Variants in CALN1 observed in about 807,000 individuals in gnomAD.
CALN1 encodes calcium-binding protein 8.
In CALN1, 17 loss-of-function variants were observed where a neutral mutation model predicts 30.6. The observed-to-expected ratio is 0.56, with a 90% confidence interval of 0.38 to 0.83. The LOEUF (loss-of-function observed/expected upper bound fraction) is 0.83, where lower values mean the gene tolerates loss of function less well. Ranked by LOEUF, CALN1 falls within the 40% of genes least tolerant of loss-of-function variation. The pLI is 0.00. For synonymous variants in CALN1, 156 were observed against 131.4 expected, an observed-to-expected ratio of 1.19 and a Z score of -1.28; for missense variants, 291 against 354.9, an observed-to-expected ratio of 0.82 and a Z score of 1.45.
At chr7:71,936,356 G>A (rs1259284515) in intron 5 of CALN1, among the ~76,000 whole-genome samples, 1 of 151,082 alleles carries the variant, frequency 6.6e-6, no homozygotes, top group Non-Finnish European at 1.5e-5. Flanking sequence ...AAATTAGCTG[G>A]GTGTAGTGGC....
Position 71,782,000 on chromosome 7 carries a change from T to C in CALN1, c.*5775A>G, listed in dbSNP as rs1003261619. On this transcript the variant is annotated 3_prime_UTR_variant, in exon 7 of 7. Coordinates refer to ENST00000395275, the MANE Select transcript of CALN1 (RefSeq NM_031468.4). Reference sequence around the variant, plus strand: ...ATGTCTCTCGAGACCCTATGAAGAGTCCCAAATGAATATGAAGGAGAAACC... The same window carrying C: ...ATGTCTCTCGAGACCCTATGAAGAGCCCCAAATGAATATGAAGGAGAAACC... 1 of 152,060 alleles carries C rather than the reference T, an allele frequency of 6.6e-6. No individual in the cohort carries two copies. Among genetic ancestry groups the C allele is most frequent in the Non-Finnish European group, 1.5e-5 (1 of 68,032 alleles). The allele number at this position is 152,060 out of a possible 1,614,324, so 9.4% of individuals were successfully genotyped here.
At chr7:72,194,356 C>A (rs972269669) in intron 3 of CALN1, among the ~76,000 whole-genome samples, 2 of 152,038 alleles carry the variant, frequency 1.3e-5, no homozygotes, top group Non-Finnish European at 2.9e-5. Flanking sequence ...CACGGTGAAA[C>A]CCTGTGTCTA....
intron 5 of CALN1, among the ~76,000 whole-genome samples, chr7:71,812,382 A>T (rs567818135): frequency 1.1e-4 from 16 of 152,310 alleles, no homozygotes; most frequent in African/African-American, 3.8e-4. Context: ...AAAAATGAGA[A>T]AACTGTGACT....
chr7:72,430,227 T>G (rs1414291766), intron 1 of CALN1, among the ~76,000 whole-genome samples: 3 of 148,216 alleles, frequency 2.0e-5, no homozygotes, highest in Non-Finnish European at 4.5e-5. Flanking sequence ...ATTTATAGAT[T>G]ATATATTTAC....
chr7:71,817,789 C>T (rs1459521216), intron 5 of CALN1, among the ~76,000 whole-genome samples: 1 of 152,134 alleles, frequency 6.6e-6, no homozygotes, highest in East Asian at 1.9e-4. Context: ...GCTGGGATTA[C>T]AGGTGTGAGC....
chr7:71,933,772 C>T (rs899895534), intron 5 of CALN1, among the ~76,000 whole-genome samples: 4 of 152,098 alleles, frequency 2.6e-5, no homozygotes, highest in African/African-American at 9.7e-5. Context: ...TTATTTTATG[C>T]GGAGAGACTT....
chr7:72,008,375 T>TAAC (rs1554408981), intron 5 of CALN1, among the ~76,000 whole-genome samples: 27 of 151,764 alleles, frequency 1.8e-4, no homozygotes, highest in Non-Finnish European at 3.2e-4. Context: ...TCCAGAATGG[T>TAAC]AAAGCTATAC....
intron 2 of CALN1, among the ~76,000 whole-genome samples, chr7:72,311,030 C>T (rs936998934): frequency 6.6e-6 from 1 of 151,854 alleles, no homozygotes; most frequent in South Asian, 2.1e-4. Context: ...TCCAGTTATG[C>T]CAAGTGTGCC....
chr7:72,130,581 G>A (rs562014646), intron 3 of CALN1, among the ~76,000 whole-genome samples: 2 of 152,090 alleles, frequency 1.3e-5, no homozygotes, highest in East Asian at 1.9e-4. Flanking sequence ...CCAACCTAAC[G>A]TGTAGAGTAT....
At position 72,381,853 on chromosome 7, in the gene CALN1, T is replaced by TA. The variant is rs564494275; in HGVS notation, c.119+21397dup. Among the ~76,000 whole-genome samples the TA allele has an allele frequency of 8.8e-4, 134 of 152,292 alleles. 2 individuals are homozygous for TA. The highest frequency in any genetic ancestry group is 6.4e-3 in the South Asian group (31 of 4,820). ...CGTTCTGCACATGTATCCCAGAACT[T>TA]AAAGTAAAATTTTAGAAAAAGAATT... On this transcript the variant is annotated intron_variant, in intron 2 of 6. Coordinates refer to ENST00000395275, the MANE Select transcript of CALN1 (RefSeq NM_031468.4).
chr7:71,792,812 A>G (rs904064595), intron 6 of CALN1, among the ~76,000 whole-genome samples: 5 of 152,072 alleles, frequency 3.3e-5, no homozygotes, highest in African/African-American at 1.2e-4. Flanking sequence ...GAAACATTGC[A>G]TGACTGGGCT....
the CALN1 span, among the ~76,000 whole-genome samples, chr7:72,478,885 TTC>T: frequency 5.4e-3 from 78 of 14,412 alleles, no homozygotes; most frequent in Middle Eastern, 0.18. Flanking sequence ...TACGAACCAC[TTC>T]TTTTTTTTTT....
chr7:71,816,754 G>C (rs540086129), intron 5 of CALN1, among the ~76,000 whole-genome samples: 1 of 152,190 alleles, frequency 6.6e-6, no homozygotes, highest in South Asian at 2.1e-4. Flanking sequence ...TCGATCACGA[G>C]GTCAGGAGTT....
At chr7:71,961,681 G>T (rs375093180) in intron 5 of CALN1, among the ~76,000 whole-genome samples, 1 of 152,174 alleles carries the variant, frequency 6.6e-6, no homozygotes, top group African/African-American at 2.4e-5. Flanking sequence ...TGGGCCCTTG[G>T]AAACTGATCT....
intron 2 of CALN1, among the ~76,000 whole-genome samples, chr7:72,292,761 C>T (rs2129555026): frequency 1.4e-5 from 2 of 139,534 alleles, no homozygotes; most frequent in East Asian, 2.1e-4. Context: ...GTGAAGGTTA[C>T]AGTGAGCCGA....
chr7:72,154,315 C>T (rs1429255940), intron 3 of CALN1, among the ~76,000 whole-genome samples: 1 of 152,064 alleles, frequency 6.6e-6, no homozygotes, highest in Non-Finnish European at 1.5e-5. Flanking sequence ...CAAACTTGAA[C>T]TTGAACTTAA....
At chr7:71,991,987 A>G (rs1430147143) in intron 5 of CALN1, among the ~76,000 whole-genome samples, 1 of 152,252 alleles carries the variant, frequency 6.6e-6, no homozygotes, top group African/African-American at 2.4e-5. Flanking sequence ...CTAGGCAGCT[A>G]TAACCTTTGT....
Position 72,287,648 on chromosome 7 carries a change from G to A in CALN1, c.120-8838C>T, listed in dbSNP as rs375331713. 2.6e-3 allele frequency among the ~76,000 whole-genome samples: 392 copies of A among 151,864 alleles called. 3 individuals carry two copies. The highest frequency in any genetic ancestry group is 0.017 in the Middle Eastern group (5 of 294). The stretch of plus-strand genomic sequence containing the variant: ...TTTTTAGTAGAGATGGGGTTTCACC[G>A]TGTTAGCCAGGATGGTCTTGATCTC... On this transcript the variant is annotated intron_variant, in intron 2 of 6. Coordinates refer to ENST00000395275, the MANE Select transcript of CALN1 (RefSeq NM_031468.4).
intron 2 of CALN1, among the ~76,000 whole-genome samples, chr7:72,284,694 G>A (rs1182525064): frequency 6.6e-6 from 1 of 152,130 alleles, no homozygotes; most frequent in Non-Finnish European, 1.5e-5. Flanking sequence ...AAACCAGACT[G>A]GAACTATACC....
Sources: gnomAD v4.1 joint callset for allele counts (sites outside exome capture counted in the v4.1 genomes callset) on GRCh38, gnomAD v4.1.1 for gene constraint, MANE v1.5 for transcripts, NCBI Gene and HGNC (gene_info 2026-07-23, HGNC 2026-07-21) for gene names.